The following TLN2 variants were observed in gnomAD, a reference collection of about 807,000 sequenced individuals.
TLN2 encodes talin-2.
Under a neutral mutation model 294.7 loss-of-function variants are expected in TLN2, and 118 were observed. The observed-to-expected ratio is 0.40, with a 90% CI of 0.34 to 0.47. The LOEUF is 0.47. TLN2 is among the 20% of genes least tolerant of loss of function. The probability of loss-of-function intolerance (pLI) is 0.84; values close to 1 mark genes in which losing one functional copy is unlikely to be tolerated. For synonymous variants in TLN2, 1,431 were observed against 1,304.5 expected (o/e 1.10, Z -2.09); for missense variants, 3,083 against 3,282.2 (o/e 0.94, Z 1.48).
chr15:62,712,747 C>T (rs901436736), intron 22 of TLN2, among the ~76,000 whole-genome samples: 1 of 151,792 alleles, frequency 6.6e-6, no homozygotes, highest in African/African-American at 2.4e-5. Flanking sequence ...TGTGTGCATG[C>T]GTGCGTGCAT....
chr15:62,662,140 T>C (rs994399172), intron 9 of TLN2, among the ~76,000 whole-genome samples: 1 of 151,130 alleles, frequency 6.6e-6, no homozygotes, highest in African/African-American at 2.4e-5. Flanking sequence ...AGCTGGCTCT[T>C]TAAAAAACTT....
intron 1 of TLN2, among the ~76,000 whole-genome samples, chr15:62,563,202 A>G (rs963287939): frequency 6.6e-6 from 1 of 152,082 alleles, no homozygotes; most frequent in Non-Finnish European, 1.5e-5. Flanking sequence ...ACTAGTTTAC[A>G]TTCCCACCAG....
At chr15:62,692,386 G>T (rs905033809) in intron 12 of TLN2, among the ~76,000 whole-genome samples, 3 of 152,236 alleles carry the variant, frequency 2.0e-5, no homozygotes, top group Non-Finnish European at 2.9e-5. Context: ...AGGTTTCCCT[G>T]CTCTGCAGCT....
chr15:62,645,467 G>A (rs908121831), intron 3 of TLN2, among the ~76,000 whole-genome samples: 2 of 152,254 alleles, frequency 1.3e-5, no homozygotes, highest in Admixed American at 6.5e-5. Flanking sequence ...TGACATTGCA[G>A]TTGGACGGCC....
chr15:62,826,355 T>G (rs1485463444), intron 54 of TLN2, among the ~76,000 whole-genome samples: 1 of 152,226 alleles, frequency 6.6e-6, no homozygotes, highest in Non-Finnish European at 1.5e-5. Context: ...AGACACTGCA[T>G]GAACTCGCGC....
chr15:62,698,421 G>T (rs990839728), intron 15 of TLN2, among the ~76,000 whole-genome samples: 1 of 152,224 alleles, frequency 6.6e-6, no homozygotes, highest in Admixed American at 6.5e-5. Flanking sequence ...CGTGTTTCCT[G>T]TGCGTGAGGA....
At chr15:62,625,457 G>C (rs1342358470) in intron 3 of TLN2, among the ~76,000 whole-genome samples, 1 of 152,136 alleles carries the variant, frequency 6.6e-6, no homozygotes, top group African/African-American at 2.4e-5. Flanking sequence ...AGGTAAGAAG[G>C]CATAGGCTGT....
rs763356568 is a variant in TLN2, at chr15:62,675,330, G to C, written c.957+9G>C. ...CCTTCTTCCTGGTGAAGGTGAGTTGGGCAGAATGGGGAGAGTGTTCACCTT... is the reference window on the plus strand; with the variant it reads ...CCTTCTTCCTGGTGAAGGTGAGTTGCGCAGAATGGGGAGAGTGTTCACCTT... On this transcript the variant is annotated intron_variant, in intron 11 of 58. Transcript: ENST00000636159. 1.9e-6 allele frequency: 3 copies of C among 1,613,602 alleles called. No homozygotes were observed. The highest frequency in any genetic ancestry group is 4.5e-5 in the East Asian group (2 of 44,862).
In TLN2 at chr15:62,408,002, A is replaced by C. The variant is rs541448027; in HGVS notation, c.-238+17317A>C. Among the ~76,000 whole-genome samples the C allele has an allele frequency of 1.3e-4, 20 of 152,286 alleles. No homozygotes were observed. In the Middle Eastern group the frequency reaches 0.01, roughly 78 times the overall value. ...GAGTCGGGGGCATTTCAATCTGTAGAGCCCAAGGGGATTGTCTTCTTGTAC... is the reference window on the plus strand; with the variant it reads ...GAGTCGGGGGCATTTCAATCTGTAGCGCCCAAGGGGATTGTCTTCTTGTAC... On this transcript the variant is annotated intron_variant, in intron 1 of 58. Coordinates refer to ENST00000636159, the MANE Select transcript of TLN2 (RefSeq NM_015059.3).
intron 16 of TLN2, among the ~76,000 whole-genome samples, chr15:62,700,216 C>T (rs1362697648): frequency 6.6e-6 from 1 of 152,182 alleles, no homozygotes; most frequent in Non-Finnish European, 1.5e-5. Flanking sequence ...ATTCCTGCTT[C>T]ACCAGTTTTC....
intron 10 of TLN2, 48 bp downstream of exon 10, chr15:62,673,938 C>A: frequency 1.3e-6 from 2 of 1,494,574 alleles, no homozygotes; most frequent in South Asian, 1.1e-5. Context: ...TCCCCATCCT[C>A]ATTTATTAGT....
At chr15:62,801,559 C>T (rs2065928723) in intron 50 of TLN2, among the ~76,000 whole-genome samples, 1 of 152,166 alleles carries the variant, frequency 6.6e-6, no homozygotes, top group Non-Finnish European at 1.5e-5. Context: ...CAAAAGCGAC[C>T]TAGAGCACTA....
intron 53 of TLN2, 139 bp downstream of exon 53, chr15:62,819,760 C>T (rs1339195298): frequency 3.0e-6 from 2 of 666,310 alleles, no homozygotes; most frequent in East Asian, 2.8e-5. Flanking sequence ...GGACTTTCTG[C>T]AAGCAAATGG....
intron 1 of TLN2, among the ~76,000 whole-genome samples, chr15:62,414,721 TG>T (rs1196615174): frequency 1.4e-5 from 2 of 140,318 alleles, no homozygotes; most frequent in African/African-American, 2.5e-5. Context: ...GCCAAGTTGA[TG>T]GGGGTAAATA....
At chr15:62,527,182 C>T (rs1596019446) in intron 1 of TLN2, among the ~76,000 whole-genome samples, 3 of 152,014 alleles carry the variant, frequency 2.0e-5, no homozygotes, top group East Asian at 1.9e-4. Context: ...GACACGGTGT[C>T]GGGTGTTTGG....
intron 9 of TLN2, chr15:62,658,234 G>A: frequency 4.6e-6 from 1 of 218,564 alleles, no homozygotes; most frequent in Non-Finnish European, 9.0e-6. Flanking sequence ...CCAGTGTGGG[G>A]GTTGTGGGGA....
intron 1 of TLN2, among the ~76,000 whole-genome samples, chr15:62,437,353 A>C (rs187945493): frequency 9.9e-5 from 15 of 152,012 alleles, no homozygotes; most frequent in African/African-American, 3.6e-4. Context: ...GTGGCTGCTG[A>C]GAGAGATCAT....
chr15:62,662,134 G>C (rs1169681935), intron 9 of TLN2, among the ~76,000 whole-genome samples: 4 of 151,370 alleles, frequency 2.6e-5, no homozygotes, highest in African/African-American at 9.7e-5. Flanking sequence ...CCCAAAAGCT[G>C]GCTCTTTAAA....
intron 22 of TLN2, among the ~76,000 whole-genome samples, chr15:62,714,429 C>A (rs947909494): frequency 6.6e-6 from 1 of 151,928 alleles, no homozygotes; most frequent in Non-Finnish European, 1.5e-5. Flanking sequence ...GTCTCGATCT[C>A]CTGACCTTGT....
Sources: gnomAD v4.1 joint callset for allele counts (sites outside exome capture counted in the v4.1 genomes callset) on GRCh38, gnomAD v4.1.1 for gene constraint, MANE v1.5 for transcripts, NCBI Gene and HGNC (gene_info 2026-07-23, HGNC 2026-07-21) for gene names.